The following VPS45 variants were observed in gnomAD, a reference collection of about 807,000 sequenced individuals.
The protein encoded by VPS45 is vacuolar protein sorting-associated protein 45.
A neutral mutation model predicts 75.9 loss-of-function variants in VPS45; 35 were observed. The observed-to-expected ratio is 0.46, with a 90% CI of 0.35 to 0.61. The LOEUF (loss-of-function observed/expected upper bound fraction) is 0.61, where lower values mean the gene tolerates loss of function less well. VPS45 is among the 20% of genes least tolerant of loss of function. The pLI is 0.00. For missense variants in VPS45, 559 were observed against 685.9 expected (o/e 0.81, Z 2.07); for synonymous variants, 220 against 238.2 (o/e 0.92, Z 0.70).
intron 12 of VPS45, among the ~76,000 whole-genome samples, 156 bp from the exon 13 acceptor site, chr1:150,093,371 T>TG (rs1369957900): frequency 1.3e-5 from 2 of 152,182 alleles, no homozygotes; most frequent in African/African-American, 4.8e-5. Flanking sequence ...AGAACATTTC[T>TG]AGCTGATTAA....
intron 9 of VPS45, among the ~76,000 whole-genome samples, chr1:150,082,221 C>G (rs1276056556): frequency 2.6e-5 from 4 of 152,108 alleles, no homozygotes; most frequent in African/African-American, 9.7e-5. Flanking sequence ...AAGACTCAAT[C>G]TATTGCTGGG....
At chr1:150,069,182 A>G (rs1654889869) in intron 2 of VPS45, among the ~76,000 whole-genome samples, 1 of 152,076 alleles carries the variant, frequency 6.6e-6, no homozygotes, top group African/African-American at 2.4e-5. Context: ...CCATGATTAA[A>G]TCTATATTTA....
intron 14 of VPS45, among the ~76,000 whole-genome samples, chr1:150,131,098 T>C (rs904356187): frequency 3.9e-5 from 6 of 152,200 alleles, no homozygotes; most frequent in Non-Finnish European, 5.9e-5. Flanking sequence ...GCAAAATTAC[T>C]AAACTGCCGG....
intron 14 of VPS45, among the ~76,000 whole-genome samples, chr1:150,119,776 T>C (rs782566799): frequency 7.9e-5 from 12 of 152,240 alleles, no homozygotes; most frequent in Non-Finnish European, 1.8e-4. Context: ...GGAATATTTC[T>C]GGAATACAGG....
rs185293407 is a variant in VPS45, at chr1:150,100,334, A to G, written c.1493+6686A>G. ...AAACACTGTTCAAAGAAATTAGAGAAGCCACAAACAAATGGAAAACATCCC... is the reference window on the plus strand; with the variant it reads ...AAACACTGTTCAAAGAAATTAGAGAGGCCACAAACAAATGGAAAACATCCC... On this transcript the variant is annotated intron_variant, in intron 13 of 14. Coordinates refer to ENST00000644510, the MANE Select transcript of VPS45 (RefSeq NM_007259.5). Among the ~76,000 whole-genome samples the G allele has an allele frequency of 4.1e-4, 63 of 152,326 alleles. 1 individual carries two copies. In the East Asian group the frequency reaches 8.7e-3, roughly 21 times the overall value.
intron 6 of VPS45, 67 bp from the exon 7 acceptor site, chr1:150,077,602 T>G (rs1387665943): frequency 3.7e-6 from 4 of 1,095,184 alleles, no homozygotes; most frequent in Non-Finnish European, 5.5e-6. Flanking sequence ...TTTATTAATT[T>G]CCTATTTATA....
At chr1:150,099,952 A>G (rs1553803886) in intron 13 of VPS45, among the ~76,000 whole-genome samples, 4 of 152,182 alleles carry the variant, frequency 2.6e-5, no homozygotes, top group African/African-American at 9.7e-5. Context: ...GCCCTCTCTC[A>G]CCACTTCTAT....
chr1:150,091,639 G>C (rs1191534549), intron 10 of VPS45, among the ~76,000 whole-genome samples: 2 of 152,178 alleles, frequency 1.3e-5, no homozygotes, highest in African/African-American at 2.4e-5. Context: ...GAAATAGTAA[G>C]TGTTCTTTCA....
chr1:150,097,153 T>C (rs1656703875), intron 13 of VPS45, among the ~76,000 whole-genome samples: 1 of 149,676 alleles, frequency 6.7e-6, no homozygotes, highest in Non-Finnish European at 1.5e-5. Context: ...AGTGGTGCCA[T>C]CTCGGCTCAC....
chr1:150,076,421 A>G, intron 4 of VPS45, 109 bp downstream of exon 4: 1 of 703,282 alleles, frequency 1.4e-6, no homozygotes, highest in South Asian at 2.6e-5. Context: ...TTTTATTATG[A>G]ATACTTGAAT....
intron 14 of VPS45, among the ~76,000 whole-genome samples, chr1:150,137,531 A>C (rs1317873891): frequency 2.0e-5 from 3 of 151,940 alleles, no homozygotes; most frequent in Non-Finnish European, 2.9e-5. Context: ...GAGCCCATCT[A>C]CCTCACCTAC....
Position 150,128,066 on chromosome 1 carries a change from C to T in VPS45, c.1626-16643C>T, listed in dbSNP as rs182292485. ...CCTGTAATCCCACACTTTGGGAGGC[C>T]GGGGCGGGCAGATTGCTTGAGTTCA... On this transcript the variant is annotated intron_variant, in intron 14 of 14. Coordinates refer to ENST00000644510, the MANE Select transcript of VPS45 (RefSeq NM_007259.5). 2.3e-4 allele frequency among the ~76,000 whole-genome samples: 35 copies of T among 152,062 alleles called. 1 individual carries two copies. The East Asian group carries it at 5.4e-3, about 24-fold the overall frequency.
intron 3 of VPS45, among the ~76,000 whole-genome samples, chr1:150,074,906 A>G (rs1320442315): frequency 1.3e-5 from 2 of 151,334 alleles, no homozygotes; most frequent in Non-Finnish European, 2.9e-5. Context: ...TTTAAAAAAC[A>G]CATTTCCATT....
At chr1:150,079,070 C>G (rs895140396) in intron 7 of VPS45, among the ~76,000 whole-genome samples, 53 of 149,804 alleles carry the variant, frequency 3.5e-4, no homozygotes, top group African/African-American at 1.3e-3. Flanking sequence ...GAGATCATGC[C>G]ACTGTCCTCC....
chr1:150,129,724 T>C (rs1658719148), intron 14 of VPS45, among the ~76,000 whole-genome samples: 1 of 151,826 alleles, frequency 6.6e-6, no homozygotes, highest in Non-Finnish European at 1.5e-5. Flanking sequence ...CAAATAATTT[T>C]TGTAGTTTTA....
At chr1:150,123,132 G>C (rs1553810030) in intron 14 of VPS45, among the ~76,000 whole-genome samples, 1 of 151,692 alleles carries the variant, frequency 6.6e-6, no homozygotes, top group Non-Finnish European at 1.5e-5. Context: ...GTATTCTTTT[G>C]TGACTGGCTT....
At chr1:150,068,810 A>C (rs782670948) in intron 2 of VPS45, 46 bp downstream of exon 2, 16 of 1,488,536 alleles carry the variant, frequency 1.1e-5, no homozygotes, top group East Asian at 2.4e-5. Flanking sequence ...GATGCAGAAC[A>C]CTCTGATCTG....
chr1:150,090,317 T>C (rs1209380722), intron 10 of VPS45, among the ~76,000 whole-genome samples: 2 of 152,182 alleles, frequency 1.3e-5, no homozygotes, highest in African/African-American at 4.8e-5. Flanking sequence ...TCCTAATTTC[T>C]CAACAACCCA....
At chr1:150,096,438 A>G (rs1553803019) in intron 13 of VPS45, among the ~76,000 whole-genome samples, 2 of 152,234 alleles carry the variant, frequency 1.3e-5, no homozygotes, top group Non-Finnish European at 2.9e-5. Flanking sequence ...TAGGGGGTTC[A>G]GATACTTGTA....
Sources: allele counts gnomAD v4.1 joint callset (sites outside exome capture counted in the v4.1 genomes callset), GRCh38; gene constraint gnomAD v4.1.1; transcripts MANE v1.5; gene names NCBI Gene and HGNC (gene_info 2026-07-23, HGNC 2026-07-21).